The following ROBO2 variants were observed in gnomAD, a reference collection of about 807,000 sequenced individuals.
ROBO2 encodes the protein roundabout guidance receptor 2.
Under a neutral mutation model 160.8 loss-of-function variants are expected in ROBO2, and 53 were observed. The ratio of observed to expected loss-of-function variants is 0.33; its 90% CI spans 0.26 to 0.41. The LOEUF (loss-of-function observed/expected upper bound fraction) is 0.41. Ranked by LOEUF, ROBO2 falls within the 10% of genes least tolerant of loss-of-function variation. The pLI is 1.00. For missense variants in ROBO2, 1,577 were observed against 1,722.4 expected, an observed-to-expected ratio of 0.92 and a Z score of 1.49; for synonymous variants, 664 against 611.7, an observed-to-expected ratio of 1.09 and a Z score of -1.26.
intron 2 of ROBO2, among the ~76,000 whole-genome samples, chr3:76,977,057 T>G (rs4585239): frequency 0.18 from 27,389 of 152,182 alleles, 3,044 homozygotes; most frequent in Admixed American, 0.27. Flanking sequence ...TGGCATCCTA[T>G]GTAAATGCTT....
chr3:76,412,818 A>G (rs963220805), intron 2 of ROBO2, among the ~76,000 whole-genome samples: 2 of 152,122 alleles, frequency 1.3e-5, no homozygotes, highest in African/African-American at 2.4e-5. Context: ...CTGTCAGTGA[A>G]TCTACCATTC....
At chr3:76,126,621 C>T (rs2071000273) in intron 2 of ROBO2, among the ~76,000 whole-genome samples, 1 of 152,032 alleles carries the variant, frequency 6.6e-6, no homozygotes, top group African/African-American at 2.4e-5. Flanking sequence ...GCATTGCATT[C>T]ATGACTCCTA....
At chr3:76,752,461 A>T (rs1011533233) in intron 2 of ROBO2, among the ~76,000 whole-genome samples, 4 of 151,682 alleles carry the variant, frequency 2.6e-5, no homozygotes, top group African/African-American at 4.8e-5. Flanking sequence ...AAAAAAAATG[A>T]TGGCACATCC....
intron 2 of ROBO2, among the ~76,000 whole-genome samples, chr3:77,308,701 T>C (rs915759820): frequency 5.3e-5 from 8 of 152,210 alleles, no homozygotes; most frequent in African/African-American, 1.9e-4. Flanking sequence ...GGGATTTTCA[T>C]AGCTTTCCAA....
chr3:76,535,403 T>C (rs180868316), intron 2 of ROBO2, among the ~76,000 whole-genome samples: 7 of 152,108 alleles, frequency 4.6e-5, no homozygotes, highest in Admixed American at 4.6e-4. Flanking sequence ...ATACTGGCGT[T>C]GAGTGGGGTA....
intron 2 of ROBO2, among the ~76,000 whole-genome samples, chr3:76,246,388 C>A (rs1576075837): frequency 6.6e-6 from 1 of 152,050 alleles, no homozygotes. Flanking sequence ...AACTGGAATG[C>A]AGAAAGGTTA....
At chr3:76,057,714 C>G (rs867192684) in intron 2 of ROBO2, among the ~76,000 whole-genome samples, 27 of 151,794 alleles carry the variant, frequency 1.8e-4, no homozygotes, top group Middle Eastern at 3.4e-3. Flanking sequence ...TTTTTTTTTC[C>G]TTTTTGCAAA....
chr3:76,999,290 C>T (rs2061207426), intron 2 of ROBO2, among the ~76,000 whole-genome samples: 1 of 151,952 alleles, frequency 6.6e-6, no homozygotes, highest in African/African-American at 2.4e-5. Context: ...GGTTTAGAAT[C>T]TGACCATAAG....
At chr3:76,957,370 G>A (rs527536602) in intron 2 of ROBO2, among the ~76,000 whole-genome samples, 1 of 152,140 alleles carries the variant, frequency 6.6e-6, no homozygotes, top group South Asian at 2.1e-4. Flanking sequence ...AAATTAAATA[G>A]GAGAATACCT....
At chr3:76,657,656 T>TCATATATATGTGTATATATATA (rs1560319146) in intron 2 of ROBO2, among the ~76,000 whole-genome samples, 1 of 46,934 alleles carries the variant, frequency 2.1e-5, no homozygotes, top group Non-Finnish European at 3.9e-5. Flanking sequence ...GTATATATAT[T>TCATATATATGTGTATATATATA]CATATATATG....
chr3:76,915,342 G>C (rs902262971), intron 2 of ROBO2, among the ~76,000 whole-genome samples: 2 of 152,034 alleles, frequency 1.3e-5, no homozygotes, highest in Admixed American at 1.3e-4. Flanking sequence ...TTTAGCCTTA[G>C]TAGTGTTGTG....
At chr3:77,293,435 A>G (rs1482403348) in intron 2 of ROBO2, among the ~76,000 whole-genome samples, 1 of 149,240 alleles carries the variant, frequency 6.7e-6, no homozygotes, top group Non-Finnish European at 1.5e-5. Context: ...AGCTGAGGCT[A>G]GATCACTAAA....
intron 2 of ROBO2, among the ~76,000 whole-genome samples, chr3:76,860,663 C>T (rs2070671931): frequency 6.6e-6 from 1 of 152,108 alleles, no homozygotes; most frequent in South Asian, 2.1e-4. Context: ...TTCTTGCAAC[C>T]TAACCCATGT....
At chr3:76,428,720 T>G (rs1005286993) in intron 2 of ROBO2, among the ~76,000 whole-genome samples, 2 of 152,206 alleles carry the variant, frequency 1.3e-5, no homozygotes, top group Non-Finnish European at 2.9e-5. Flanking sequence ...TGACTACTAT[T>G]ATTAGTGGAC....
At chr3:77,269,842 T>C (rs1482447427) in intron 2 of ROBO2, among the ~76,000 whole-genome samples, 1 of 152,202 alleles carries the variant, frequency 6.6e-6, no homozygotes, top group Non-Finnish European at 1.5e-5. Context: ...TCTCTTCTGA[T>C]GTATTTTCTC....
chr3:77,620,894 A>C (rs1333226820), intron 22 of ROBO2, among the ~76,000 whole-genome samples: 1 of 152,248 alleles, frequency 6.6e-6, no homozygotes, highest in East Asian at 1.9e-4. Flanking sequence ...CAGCCTTTTA[A>C]ATACCTTTTA....
At chr3:76,228,985 C>T (rs985082726) in intron 2 of ROBO2, among the ~76,000 whole-genome samples, 4 of 152,072 alleles carry the variant, frequency 2.6e-5, no homozygotes, top group African/African-American at 9.7e-5. Context: ...CACCACTGCA[C>T]TCCAGCTTGG....
chr3:77,275,151 G>C (rs751307978), intron 2 of ROBO2, among the ~76,000 whole-genome samples: 2 of 151,890 alleles, frequency 1.3e-5, no homozygotes, highest in African/African-American at 2.4e-5. Flanking sequence ...AATGAAGACA[G>C]GTAAATACAT....
intron 8 of ROBO2, among the ~76,000 whole-genome samples, chr3:77,553,872 C>A (rs2093014839): frequency 7.8e-6 from 1 of 128,386 alleles, no homozygotes; most frequent in African/African-American, 3.0e-5. Context: ...GCATCAAGGG[C>A]TAATATGGAA....
Sources: gnomAD v4.1 joint callset for allele counts (sites outside exome capture counted in the v4.1 genomes callset) on GRCh38, gnomAD v4.1.1 for gene constraint, MANE v1.5 for transcripts, NCBI Gene and HGNC (gene_info 2026-07-23, HGNC 2026-07-21) for gene names.